MYO3B: variants seen among roughly 807,000 people sequenced by gnomAD.
The protein encoded by MYO3B is myosin-IIIb.
A neutral mutation model predicts 174.6 loss-of-function variants in MYO3B; 156 were observed. The ratio of observed to expected loss-of-function variants is 0.89; its 90% CI spans 0.78 to 1.02. The LOEUF (loss-of-function observed/expected upper bound fraction) is 1.02, where lower values mean the gene tolerates loss of function less well. Ranked by LOEUF, MYO3B falls within the 50% of genes least tolerant of loss-of-function variation. The pLI, the probability that MYO3B is intolerant of heterozygous loss-of-function variation, is 0.00. For synonymous variants in MYO3B, 563 were observed against 569.1 expected, an observed-to-expected ratio of 0.99 and a Z score of 0.15; for missense variants, 1,632 against 1,639.4, an observed-to-expected ratio of 1.00 and a Z score of 0.08.
intron 24 of MYO3B, 91 bp from the exon 25 acceptor site, chr2:170,466,415 G>T: frequency 1.7e-6 from 2 of 1,198,192 alleles, no homozygotes; most frequent in South Asian, 1.3e-5. Flanking sequence ...TGTGAGCCTC[G>T]AACTGCTCCA....
chr2:170,218,944 T>G (rs905381434), intron 6 of MYO3B, among the ~76,000 whole-genome samples: 1 of 152,214 alleles, frequency 6.6e-6, no homozygotes, highest in African/African-American at 2.4e-5. Flanking sequence ...CCAGCCCCTA[T>G]CTATCCAGCC....
At position 170,651,626 on chromosome 2, in the gene MYO3B, A is replaced by G. The variant is rs542056846; in HGVS notation, c.3734-2A>G. ...TACAGCAAAGTTTTGCTCTTTTTTCAGGTTCAGAAAATGGTCTTGCACAGA... is the reference window on the plus strand; with the variant it reads ...TACAGCAAAGTTTTGCTCTTTTTTCGGGTTCAGAAAATGGTCTTGCACAGA... On this transcript the variant is annotated splice_acceptor_variant, in intron 32 of 34. Transcript: ENST00000408978. LOFTEE classifies it high-confidence loss of function. The G allele has an allele frequency of 2.1e-5, 34 of 1,613,662 alleles. No individual in the cohort carries two copies. In the East Asian group the frequency reaches 4.7e-4, roughly 22 times the overall value.
chr2:170,577,784 T>G (rs1420658599), intron 32 of MYO3B, among the ~76,000 whole-genome samples: 1 of 152,228 alleles, frequency 6.6e-6, no homozygotes, highest in Non-Finnish European at 1.5e-5. Context: ...TCCCAAGTCC[T>G]GAGGAACTTC....
chr2:170,553,655 T>A (rs1691078602), intron 32 of MYO3B, among the ~76,000 whole-genome samples: 1 of 152,180 alleles, frequency 6.6e-6, no homozygotes, highest in Admixed American at 6.5e-5. Context: ...GTTAAGACTT[T>A]GGGGGACTCT....
chr2:170,404,515 T>A, intron 20 of MYO3B, 115 bp downstream of exon 20: 1 of 1,014,422 alleles, frequency 9.9e-7, no homozygotes, highest in Non-Finnish European at 1.4e-6. Context: ...TGGTGGTTTG[T>A]AAGAATATAG....
In MYO3B at chr2:170,195,149, G is replaced by A. The variant is rs562503339; in HGVS notation, c.3-4059G>A. On this transcript the variant is annotated intron_variant, in intron 1 of 34. Transcript: ENST00000408978. ...GACACCTCCAGTGATATGGGCAGGA[G>A]ACAGGGAAACACTAGGTAGAAGAGG... is the stretch of plus-strand genomic sequence containing the variant. 8.5e-5 allele frequency among the ~76,000 whole-genome samples: 13 copies of A among 152,098 alleles called. No homozygotes were observed. In the East Asian group the frequency reaches 2.5e-3, roughly 29 times the overall value.
rs925308396 is a variant in MYO3B, at chr2:170,431,984, G to A, written c.2651-11983G>A. Among the ~76,000 whole-genome samples, 37 of 152,244 alleles carry A rather than the reference G, an allele frequency of 2.4e-4. 1 individual carries two copies. Among genetic ancestry groups the A allele is most frequent in the Non-Finnish European group, 4.4e-5 (3 of 68,048 alleles). On this transcript the variant is annotated intron_variant, in intron 22 of 34. Coordinates refer to ENST00000408978, the MANE Select transcript of MYO3B (RefSeq NM_138995.5). Reference sequence around the variant, plus strand: ...AATGCATTACTCAGGTGTTTGTGGTGATGCTGATATAATAAGCCTACTGCT... The same window carrying A: ...AATGCATTACTCAGGTGTTTGTGGTAATGCTGATATAATAAGCCTACTGCT...
At chr2:170,268,564 A>G (rs534064993) in intron 7 of MYO3B, among the ~76,000 whole-genome samples, 1 of 152,316 alleles carries the variant, frequency 6.6e-6, no homozygotes, top group Non-Finnish European at 1.5e-5. Flanking sequence ...ATTTTTGCCT[A>G]CATATACCTC....
intron 7 of MYO3B, among the ~76,000 whole-genome samples, chr2:170,329,164 T>A (rs539421619): frequency 2.9e-5 from 4 of 139,522 alleles, no homozygotes; most frequent in South Asian, 4.5e-4. Flanking sequence ...AAAAAAAAAA[T>A]ACTACTACTA....
chr2:170,478,931 C>CTA (rs763926633), intron 25 of MYO3B, among the ~76,000 whole-genome samples: 124 of 143,520 alleles, frequency 8.6e-4, no homozygotes, highest in African/African-American at 2.8e-3. Flanking sequence ...CACACTAAAC[C>CTA]TATATATATA....
chr2:170,602,019 A>G, intron 32 of MYO3B: 1 of 912,128 alleles, frequency 1.1e-6, no homozygotes, highest in Non-Finnish European at 1.8e-6. Flanking sequence ...CTCTTTCATA[A>G]CGGTCTTTGT....
chr2:170,374,020 G>A (rs2094269164), intron 9 of MYO3B, among the ~76,000 whole-genome samples: 1 of 152,152 alleles, frequency 6.6e-6, no homozygotes, highest in Admixed American at 6.5e-5. Context: ...TTGTAGTGAA[G>A]TTAATCAGTG....
chr2:170,357,440 T>G (rs2094131124), intron 8 of MYO3B, among the ~76,000 whole-genome samples: 1 of 150,584 alleles, frequency 6.6e-6, no homozygotes, highest in Non-Finnish European at 1.5e-5. Flanking sequence ...TCACATTGTC[T>G]GACAGAAAGC....
chr2:170,566,348 G>A (rs1692077533), intron 32 of MYO3B, among the ~76,000 whole-genome samples: 1 of 152,174 alleles, frequency 6.6e-6, no homozygotes, highest in African/African-American at 2.4e-5. Flanking sequence ...AAAATTATGA[G>A]TTCTAAAATA....
At chr2:170,305,294 A>G (rs2093693720) in intron 7 of MYO3B, among the ~76,000 whole-genome samples, 1 of 152,110 alleles carries the variant, frequency 6.6e-6, no homozygotes, top group South Asian at 2.1e-4. Flanking sequence ...ATGCTTCTCT[A>G]CTTTTTATTC....
intron 6 of MYO3B, among the ~76,000 whole-genome samples, chr2:170,230,355 T>TTTTA (rs2093001741): frequency 1.5e-5 from 2 of 136,926 alleles, no homozygotes; most frequent in Non-Finnish European, 3.1e-5. Context: ...TTTTTTTTTT[T>TTTTA]TTTTTTTAGT....
intron 22 of MYO3B, among the ~76,000 whole-genome samples, chr2:170,424,195 G>C (rs2094642209): frequency 6.6e-6 from 1 of 152,228 alleles, no homozygotes; most frequent in Non-Finnish European, 1.5e-5. Flanking sequence ...ACCTGCTAAG[G>C]TAATGCTGAT....
At chr2:170,221,773 C>T (rs907041020) in intron 6 of MYO3B, among the ~76,000 whole-genome samples, 1 of 152,094 alleles carries the variant, frequency 6.6e-6, no homozygotes, top group Non-Finnish European at 1.5e-5. Flanking sequence ...TACCATGTTG[C>T]CCAGGCTGGT....
At chr2:170,645,468 C>CAAAAA (rs55720994) in intron 32 of MYO3B, among the ~76,000 whole-genome samples, 2 of 66,406 alleles carry the variant, frequency 3.0e-5, no homozygotes, top group Admixed American at 1.6e-4. Flanking sequence ...GGCTCCGTCT[C>CAAAAA]AAAAAAAAAA....
Sources: gnomAD v4.1 joint callset for allele counts (sites outside exome capture counted in the v4.1 genomes callset) on GRCh38, gnomAD v4.1.1 for gene constraint, MANE v1.5 for transcripts, NCBI Gene and HGNC (gene_info 2026-07-23, HGNC 2026-07-21) for gene names.